Variants in CCDC171 observed in about 807,000 individuals in gnomAD.
The protein encoded by CCDC171 is coiled-coil domain-containing protein 171.
CCDC171 carries 177 observed loss-of-function variants against 168.2 expected under a neutral mutation model. The observed-to-expected ratio is 1.05, with a 90% CI of 0.93 to 1.19. CCDC171 has a LOEUF of 1.19. Ranked by LOEUF, CCDC171 falls within the 50% of genes most tolerant of loss-of-function variation. The probability of loss-of-function intolerance (pLI) is 0.00; values close to 1 mark genes in which losing one functional copy is unlikely to be tolerated. For missense variants in CCDC171, 1,991 were observed against 1,539.0 expected, an observed-to-expected ratio of 1.29 and a Z score of -4.91; for synonymous variants, 687 against 540.8, an observed-to-expected ratio of 1.27 and a Z score of -3.75.
intron 11 of CCDC171, 110 bp from the exon 12 acceptor site, chr9:15,721,659 T>G (rs1407199571): frequency 2.3e-6 from 1 of 442,396 alleles, no homozygotes; most frequent in Non-Finnish European, 4.0e-6. Context: ...ATTAATAGTT[T>G]CATAACGTCT....
At position 15,900,182 on chromosome 9, in the gene CCDC171, C is replaced by G. The variant is rs140939453; in HGVS notation, c.3601-20088C>G. The stretch of plus-strand genomic sequence containing the variant: ...GGATACCACTCCTGTGATTAGGTTA[C>G]TCATCAAAAGAGATTGTCCTGGATG... On this transcript the variant is annotated intron_variant, in intron 24 of 25. Coordinates refer to ENST00000380701, the MANE Select transcript of CCDC171 (RefSeq NM_173550.4). Among the ~76,000 whole-genome samples, 34 of 152,272 alleles carry G rather than the reference C, an allele frequency of 2.2e-4. No homozygotes were observed. The East Asian group carries it at 6.6e-3, about 29-fold the overall frequency.
intron 10 of CCDC171, among the ~76,000 whole-genome samples, chr9:15,686,720 A>G (rs746638460): frequency 1.3e-5 from 2 of 152,188 alleles, no homozygotes; most frequent in Non-Finnish European, 2.9e-5. Flanking sequence ...TCTAACATTT[A>G]TAAACATGTG....
chr9:15,717,205 CT>C (rs1177747524), intron 11 of CCDC171, among the ~76,000 whole-genome samples: 7 of 152,284 alleles, frequency 4.6e-5, no homozygotes, highest in African/African-American at 1.7e-4. Flanking sequence ...GATTGTGGGA[CT>C]TTGCATTGAA....
chr9:15,597,768 C>G lies in CCDC171; in HGVS notation c.675+3596C>G, dbSNP rs545004988. On this transcript the variant is annotated intron_variant, in intron 6 of 25. Transcript: ENST00000380701. ...TGGTAGAATTCGGCTGTGAATCCAT[C>G]TGGTTCTGGACTTTTTTTGGTTGGT... Among the ~76,000 whole-genome samples, 59 of 152,272 alleles carry G rather than the reference C, an allele frequency of 3.9e-4. 1 individual carries two copies. The highest frequency in any genetic ancestry group is 2.3e-3 in the East Asian group (12 of 5,184).
intron 23 of CCDC171, among the ~76,000 whole-genome samples, chr9:15,851,527 C>T (rs551088291): frequency 8.6e-5 from 13 of 151,630 alleles, no homozygotes; most frequent in Non-Finnish European, 1.8e-4. Context: ...TTAAAACACA[C>T]CCTTCTCTCT....
chr9:15,717,134 T>G (rs2134123127), intron 11 of CCDC171, among the ~76,000 whole-genome samples: 1 of 152,308 alleles, frequency 6.6e-6, no homozygotes, highest in African/African-American at 2.4e-5. Context: ...CACTCTTCCA[T>G]GCCCCAGCAG....
In CCDC171 at chr9:15,557,997, A is replaced by G. The variant is rs1000870485; in HGVS notation, c.-112+4695A>G. On this transcript the variant is annotated intron_variant, in intron 1 of 25. Coordinates refer to ENST00000380701, the MANE Select transcript of CCDC171 (RefSeq NM_173550.4). Reference sequence around the variant, plus strand: ...CTTTTCTGCATCTATTGAGATAATCATGTGGTTTTTGTCATTGGTTCTGTT... The same window carrying G: ...CTTTTCTGCATCTATTGAGATAATCGTGTGGTTTTTGTCATTGGTTCTGTT... Among the ~76,000 whole-genome samples the G allele has an allele frequency of 2.0e-5, 3 of 152,074 alleles. 1 individual carries two copies. Among genetic ancestry groups the G allele is most frequent in the Admixed American group, 6.6e-5 (1 of 15,264 alleles).
chr9:15,813,668 C>G (rs2059448444), intron 21 of CCDC171, among the ~76,000 whole-genome samples: 1 of 150,598 alleles, frequency 6.6e-6, no homozygotes, highest in East Asian at 2.0e-4. Flanking sequence ...TATATTGTGT[C>G]TTTTTGTTCC....
intron 24 of CCDC171, among the ~76,000 whole-genome samples, chr9:15,898,810 G>T (rs1821252334): frequency 6.6e-6 from 1 of 151,956 alleles, no homozygotes; most frequent in African/African-American, 2.4e-5. Flanking sequence ...ATCAGTTTAG[G>T]AAAATGTCAA....
chr9:15,563,996 T>G lies in CCDC171; in HGVS notation c.-93T>G, dbSNP rs114286080. 2,679 of 924,610 alleles carry G rather than the reference T, an allele frequency of 2.9e-3. 50 individuals carry two copies. In the African/African-American group the frequency reaches 0.04, roughly 14 times the overall value. The allele number at this position is 924,610 out of a possible 1,614,324, so 57.3% of individuals were successfully genotyped here. On this transcript the variant is annotated 5_prime_UTR_variant, in exon 2 of 26. Coordinates refer to ENST00000380701, the MANE Select transcript of CCDC171 (RefSeq NM_173550.4). ...TTAACAGACCTCAAATCATCTAACG[T>G]GAAGCCACAGACATCTTGGGCAATT...
chr9:15,644,239 A>G (rs943237360), intron 7 of CCDC171, among the ~76,000 whole-genome samples: 1 of 152,090 alleles, frequency 6.6e-6, no homozygotes, highest in Non-Finnish European at 1.5e-5. Flanking sequence ...ATTTTCTGTT[A>G]TTTAAATTAT....
At chr9:15,746,936 G>A (rs1160363230) in intron 18 of CCDC171, among the ~76,000 whole-genome samples, 1 of 152,222 alleles carries the variant, frequency 6.6e-6, no homozygotes, top group African/African-American at 2.4e-5. Context: ...AACTGGCAGA[G>A]CAGGATATTC....
rs766633543 is a variant in CCDC171 at position 15,591,382 on chromosome 9, T to A, written c.369T>A (p.Leu123=). ...TCTTAATAGCACAGAATTCAGAACT[T>A]CAAGCAAAGACAAATGAGACTGAGA... ...QEKLCAQNSE[L]QAKTNETEKA... The change falls in exon 5 of 26, where the codon CTT becomes CTA. Residue 123 remains leucine (L), a synonymous_variant. Coordinates refer to ENST00000380701, the MANE Select transcript of CCDC171 (RefSeq NM_173550.4). 6.2e-7 allele frequency: 1 copy of A among 1,600,436 alleles called. No homozygotes were observed.
chr9:15,773,881 C>T (rs1464434578), intron 18 of CCDC171, among the ~76,000 whole-genome samples: 1 of 152,134 alleles, frequency 6.6e-6, no homozygotes, highest in Non-Finnish European at 1.5e-5. Flanking sequence ...AAAATCTTCA[C>T]AATCTATACA....
intron 10 of CCDC171, among the ~76,000 whole-genome samples, chr9:15,687,618 C>T (rs2050490310): frequency 6.6e-6 from 1 of 151,846 alleles, no homozygotes; most frequent in African/African-American, 2.4e-5. Flanking sequence ...GAAGAGATAA[C>T]TCAATTGATA....
At chr9:15,761,612 ATTATTTTGTTATTT>A (rs144503496) in intron 18 of CCDC171, among the ~76,000 whole-genome samples, 8,695 of 152,060 alleles carry the variant, frequency 0.057, 327 homozygotes, top group African/African-American at 0.092. Flanking sequence ...AGGGGATTTT[ATTATTTTGTTATTT>A]TTATTTTGTT....
At chr9:15,792,762 C>G (rs960922986) in intron 21 of CCDC171, among the ~76,000 whole-genome samples, 1 of 152,102 alleles carries the variant, frequency 6.6e-6, no homozygotes, top group South Asian at 2.1e-4. Context: ...CCTTTATAGA[C>G]AAGCAAATGC....
intron 4 of CCDC171, among the ~76,000 whole-genome samples, chr9:15,590,771 CTCTT>C (rs71506031): frequency 0.094 from 11,481 of 121,600 alleles, 553 homozygotes; most frequent in African/African-American, 0.13. Context: ...TTCTTTCTTT[CTCTT>C]TCTTTCTTTC....
chr9:15,937,770 C>G (rs1327407930), intron 25 of CCDC171, among the ~76,000 whole-genome samples: 2 of 151,884 alleles, frequency 1.3e-5, no homozygotes, highest in East Asian at 3.9e-4. Flanking sequence ...TCTCCCACAC[C>G]CAAGACGTTA....
Sources: allele counts gnomAD v4.1 joint callset (sites outside exome capture counted in the v4.1 genomes callset), GRCh38; gene constraint gnomAD v4.1.1; transcripts MANE v1.5; gene names NCBI Gene and HGNC (gene_info 2026-07-23, HGNC 2026-07-21).